The following ETHE1 variants were observed in gnomAD, a reference collection of about 807,000 sequenced individuals.
ETHE1 encodes ETHE1 persulfide dioxygenase, also known as persulfide dioxygenase ETHE1, mitochondrial.
ETHE1 carries 16 observed loss-of-function variants against 25.7 expected under a neutral mutation model. The ratio of observed to expected loss-of-function variants is 0.62; its 90% CI spans 0.42 to 0.95. The LOEUF is 0.95. Among genes scored for constraint, ETHE1 ranks in the 40% least tolerant of loss-of-function variants. The pLI is 0.00. For synonymous variants in ETHE1, 139 were observed against 135.9 expected (o/e 1.02, Z -0.16); for missense variants, 300 against 333.6 (o/e 0.90, Z 0.79).
At chr19:43,526,820 C>G in intron 1 of ETHE1, 161 bp from the exon 2 acceptor site, 1 of 1,503,462 alleles carries the variant, frequency 6.7e-7, no homozygotes, top group East Asian at 2.5e-5. Context: ...CTACCTTCCC[C>G]TATCAGAACA....
chr19:43,512,201 A>G (rs1390340864), intron 3 of ETHE1, among the ~76,000 whole-genome samples: 1 of 152,216 alleles, frequency 6.6e-6, no homozygotes, highest in Non-Finnish European at 1.5e-5. Context: ...AATTGGTACC[A>G]GTAAAGTGGG....
At chr19:43,526,468 T>A in intron 2 of ETHE1, 47 bp downstream of exon 2, 1 of 1,604,998 alleles carries the variant, frequency 6.2e-7, no homozygotes, top group Non-Finnish European at 8.5e-7. Flanking sequence ...CCACTGACGC[T>A]GCAGCCCAGC....
Position 43,510,585 on chromosome 19 carries a change from G to C in ETHE1, c.505+852C>G, listed in dbSNP as rs1238054172. On this transcript the variant is annotated intron_variant, in intron 4 of 6. Coordinates refer to ENST00000292147, the MANE Select transcript of ETHE1 (RefSeq NM_014297.5). ...CCTGACCTCATGATCCACCTGCCTC[G>C]GCCTCCCAAAGTGCTGGGATTATAG... is the stretch of plus-strand genomic sequence containing the variant. 3.3e-5 allele frequency among the ~76,000 whole-genome samples: 5 copies of C among 150,682 alleles called. No individual in the cohort carries two copies. The South Asian group carries it at 1.0e-3, about 31-fold the overall frequency.
intron 3 of ETHE1, among the ~76,000 whole-genome samples, chr19:43,518,144 G>A (rs1178842248): frequency 6.7e-6 from 1 of 150,022 alleles, no homozygotes; most frequent in Non-Finnish European, 1.5e-5. Context: ...GAAGGAAAAA[G>A]AAAACACAAA....
chr19:43,525,135 AAAG>A (rs1308729674), intron 3 of ETHE1, among the ~76,000 whole-genome samples: 170 of 148,350 alleles, frequency 1.1e-3, no homozygotes, highest in African/African-American at 3.7e-3. Flanking sequence ...TAAAAAAAAA[AAAG>A]AAAGAAAGAA....
In ETHE1 at chr19:43,510,637, G is replaced by GT. The variant is rs55975705; in HGVS notation, c.505+799dup. On this transcript the variant is annotated intron_variant, in intron 4 of 6. Transcript: ENST00000292147. ...CGTGAGCCACCATGCCCAGCCCTTTGTTTTTTTTTTTTTTTTAGCTATATT... is the reference window on the plus strand; with the variant it reads ...CGTGAGCCACCATGCCCAGCCCTTTGTTTTTTTTTTTTTTTTTAGCTATATT... Among the ~76,000 whole-genome samples, 523 of 143,894 alleles carry GT rather than the reference G, an allele frequency of 3.6e-3. 2 individuals are homozygous for GT. Among genetic ancestry groups the GT allele is most frequent in the East Asian group, 0.028 (135 of 4,906 alleles). The allele number at this position is 143,894 out of a possible 152,430, so 94.4% of individuals were successfully genotyped here.
chr19:43,513,987 G>T (rs1247593024), intron 3 of ETHE1, among the ~76,000 whole-genome samples: 3 of 152,136 alleles, frequency 2.0e-5, no homozygotes, highest in African/African-American at 7.2e-5. Flanking sequence ...CTCCCAAAGT[G>T]CTGAGATAAC....
intron 3 of ETHE1, 52 bp downstream of exon 3, chr19:43,526,149 A>T: frequency 6.2e-7 from 1 of 1,613,588 alleles, no homozygotes; most frequent in Admixed American, 1.7e-5. Context: ...TCTTCCCTTA[A>T]GTTTAAGAAG....
Position 43,527,179 on chromosome 19 carries a change from G to T in ETHE1, c.-2C>A. 2 of 1,537,256 alleles carry T rather than the reference G, an allele frequency of 1.3e-6. No homozygotes were observed. Among genetic ancestry groups the T allele is most frequent in the African/African-American group, 2.7e-5 (2 of 73,114 alleles). ...GACCCTCAGTACAGCCTCCGCCATC[G>T]CGCCCACTGCGGGGTCAGGAATGAG... On this transcript the variant is annotated 5_prime_UTR_variant, in exon 1 of 7. Transcript: ENST00000292147.
chr19:43,511,403 T>G, intron 4 of ETHE1, 34 bp downstream of exon 4: 2 of 1,614,052 alleles, frequency 1.2e-6, no homozygotes, highest in Non-Finnish European at 1.7e-6. Flanking sequence ...CGTAACTATA[T>G]GAAGATCTTG....
chr19:43,507,051 G>GT, intron 6 of ETHE1, 149 bp from the exon 7 acceptor site: 1 of 773,782 alleles, frequency 1.3e-6, no homozygotes, highest in South Asian at 1.5e-5. Context: ...CAGGAGTCCA[G>GT]TACCCCAGCC....
chr19:43,520,313 G>A (rs1972115007), intron 3 of ETHE1, among the ~76,000 whole-genome samples: 1 of 152,128 alleles, frequency 6.6e-6, no homozygotes, highest in African/African-American at 2.4e-5. Flanking sequence ...AGTAAACCAA[G>A]ATTGTGCCAC....
In ETHE1 at chr19:43,526,536, C is replaced by T. The variant is rs1972251414; in HGVS notation, c.205G>A (p.Gly69Arg). The T allele has an allele frequency of 6.2e-7, 1 of 1,613,770 alleles. No individual in the cohort carries two copies. Residue 69 changes from glycine (G) to arginine (R), a missense_variant, in exon 2 of 7, where the codon GGG (glycine) becomes AGG (arginine). Coordinates refer to ENST00000292147, the MANE Select transcript of ETHE1 (RefSeq NM_014297.5). ...PRDAQLIKEL[G>R]LRLLYAVNTH... The stretch of plus-strand genomic sequence containing the variant: ...TGACCAGCATAGAGCAGCCGCAGCC[C>T]CAGCTCCTTGATCAGCTGGGCATCC...
Position 43,508,784 on chromosome 19 carries a change from C to T in ETHE1, c.586G>A (p.Asp196Asn), listed in dbSNP as rs763799125. 13 of 1,603,002 alleles carry T rather than the reference C, an allele frequency of 8.1e-6. No homozygotes were observed. The highest frequency in any genetic ancestry group is 1.0e-5 in the Non-Finnish European group (12 of 1,174,738). The change falls in exon 5 of 7, where the codon GAT (aspartate) becomes AAT (asparagine). Residue 196 changes from aspartate to asparagine, a missense_variant. Coordinates refer to ENST00000292147, the MANE Select transcript of ETHE1 (RefSeq NM_014297.5). ...TCCAGGAAGCCCTCACCATGGTAATCGTGAGCAGGGTAGATCAGACAGTCT... is the reference window on the plus strand; with the variant it reads ...TCCAGGAAGCCCTCACCATGGTAATTGTGAGCAGGGTAGATCAGACAGTCT... Reference protein sequence around the residue: ...PGDCLIYPAHDYHGFTVSTVE... With the variant: ...PGDCLIYPAHNYHGFTVSTVE...
At chr19:43,527,008 CG>C in intron 1 of ETHE1, 88 bp downstream of exon 1, 12 of 1,537,366 alleles carry the variant, frequency 7.8e-6, no homozygotes, top group Non-Finnish European at 1.0e-5. Context: ...TGGGTCCCCC[CG>C]GATCTCTCCC....
chr19:43,526,672 G>A lies in ETHE1; in HGVS notation c.82-13C>T, dbSNP rs748543403. 3 of 1,613,004 alleles carry A rather than the reference G, an allele frequency of 1.9e-6. No individual in the cohort carries two copies. In the Admixed American group the frequency reaches 5.0e-5, roughly 27 times the overall value. Reference sequence around the variant, plus strand: ...CAGGCTCGAACATCTGGGAACGGGGGACCCAGGTGAGGGCGCAGAACCGGA... The same window carrying A: ...CAGGCTCGAACATCTGGGAACGGGGAACCCAGGTGAGGGCGCAGAACCGGA... On this transcript the variant is annotated splice_polypyrimidine_tract_variant and intron_variant, in intron 1 of 6. Transcript: ENST00000292147.
intron 3 of ETHE1, among the ~76,000 whole-genome samples, chr19:43,518,995 G>GGTT (rs1568497876): frequency 3.7e-5 from 4 of 106,950 alleles, no homozygotes; most frequent in Admixed American, 1.0e-4. Context: ...TGAAATTTGT[G>GGTT]CTTGTTTTTT....
intron 3 of ETHE1, 31 bp downstream of exon 3, chr19:43,526,170 C>T (rs577808426): frequency 1.9e-6 from 3 of 1,614,038 alleles, no homozygotes; most frequent in East Asian, 4.5e-5. Context: ...TCCAGGCCAC[C>T]ACCCTCTTGG....
At chr19:43,524,578 G>A (rs890241648) in intron 3 of ETHE1, among the ~76,000 whole-genome samples, 2 of 151,914 alleles carry the variant, frequency 1.3e-5, no homozygotes, top group Non-Finnish European at 2.9e-5. Flanking sequence ...TAAATTATAT[G>A]GTATGTGGGT....
Sources: allele counts gnomAD v4.1 joint callset (sites outside exome capture counted in the v4.1 genomes callset), GRCh38; gene constraint gnomAD v4.1.1; transcripts MANE v1.5; gene names NCBI Gene and HGNC (gene_info 2026-07-23, HGNC 2026-07-21).